Variants in ADAMTSL3 observed in about 807,000 individuals in gnomAD.
The protein encoded by ADAMTSL3 is ADAMTS-like protein 3.
In ADAMTSL3, 128 loss-of-function variants were observed where a neutral mutation model predicts 201.7. That is an observed-to-expected ratio of 0.63 (90% CI 0.55 to 0.73). ADAMTSL3 has a LOEUF of 0.73. ADAMTSL3 is among the 30% of genes least tolerant of loss of function. ADAMTSL3 has a pLI of 0.00. For synonymous variants in ADAMTSL3, 738 were observed against 748.4 expected (o/e 0.99, Z 0.23); for missense variants, 1,990 against 2,119.6 (o/e 0.94, Z 1.20).
At chr15:83,856,330 C>T (rs1156756292) in intron 7 of ADAMTSL3, among the ~76,000 whole-genome samples, 3 of 151,278 alleles carry the variant, frequency 2.0e-5, no homozygotes, top group South Asian at 2.1e-4. Flanking sequence ...ACCATACCCA[C>T]ATTAAAAAAA....
At chr15:84,018,274 C>A (rs2068124482) in intron 25 of ADAMTSL3, among the ~76,000 whole-genome samples, 1 of 152,120 alleles carries the variant, frequency 6.6e-6, no homozygotes, top group Admixed American at 6.5e-5. Context: ...ATGTCCCAGC[C>A]CTTCAAAGGA....
chr15:83,858,366 C>T (rs536678900), intron 7 of ADAMTSL3, among the ~76,000 whole-genome samples: 275 of 152,218 alleles, frequency 1.8e-3, no homozygotes, highest in African/African-American at 6.4e-3. Context: ...TTTGTGATTT[C>T]CAAAGATTTA....
chr15:83,679,228 TTTTG>T (rs1296765551), intron 2 of ADAMTSL3, among the ~76,000 whole-genome samples: 5 of 152,130 alleles, frequency 3.3e-5, no homozygotes, highest in African/African-American at 9.7e-5. Flanking sequence ...ATTTTCTATT[TTTTG>T]TTTGTTTCAA....
At chr15:83,839,365 T>C (rs1181770399) in intron 7 of ADAMTSL3, among the ~76,000 whole-genome samples, 3 of 152,110 alleles carry the variant, frequency 2.0e-5, no homozygotes, top group Non-Finnish European at 2.9e-5. Context: ...ACTCCTAATA[T>C]GTTGTTCAGG....
intron 7 of ADAMTSL3, among the ~76,000 whole-genome samples, chr15:83,852,520 C>T (rs888571189): frequency 6.6e-6 from 1 of 152,170 alleles, no homozygotes; most frequent in Non-Finnish European, 1.5e-5. Context: ...CAACTTTGTA[C>T]TTTTGTGCAA....
At chr15:84,015,984 C>T (rs2068081759) in intron 24 of ADAMTSL3, among the ~76,000 whole-genome samples, 1 of 152,226 alleles carries the variant, frequency 6.6e-6, no homozygotes, top group African/African-American at 2.4e-5. Context: ...TCCTAAAAGC[C>T]CGTACTCCTC....
At chr15:83,746,672 A>G (rs2062552805) in intron 3 of ADAMTSL3, among the ~76,000 whole-genome samples, 1 of 152,128 alleles carries the variant, frequency 6.6e-6, no homozygotes, top group African/African-American at 2.4e-5. Context: ...TGAAAACAGT[A>G]TACTTCGGGT....
At chr15:83,884,314 G>A (rs12900412) in intron 9 of ADAMTSL3, among the ~76,000 whole-genome samples, 91,284 of 145,568 alleles carry the variant, frequency 0.63, 29,717 homozygotes, top group African/African-American at 0.81. Flanking sequence ...TAACATATAT[G>A]TTACCTCATT....
At chr15:83,740,090 T>C in intron 3 of ADAMTSL3, 1 of 293,550 alleles carries the variant, frequency 3.4e-6, no homozygotes, top group South Asian at 4.6e-5. Context: ...TGCCAGTAAC[T>C]GTGCCGGTGG....
At chr15:83,683,731 G>A (rs1251436605) in intron 2 of ADAMTSL3, among the ~76,000 whole-genome samples, 1 of 152,136 alleles carries the variant, frequency 6.6e-6, no homozygotes, top group African/African-American at 2.4e-5. Context: ...ACTGTACCCG[G>A]CGCCTCCTTC....
intron 3 of ADAMTSL3, among the ~76,000 whole-genome samples, chr15:83,717,704 T>C (rs1370649216): frequency 6.6e-6 from 1 of 152,058 alleles, no homozygotes; most frequent in Non-Finnish European, 1.5e-5. Flanking sequence ...AAAAATAAAA[T>C]AATAAAAGCA....
At position 83,983,110 on chromosome 15, in the gene ADAMTSL3, G is replaced by A; in HGVS notation, c.3482G>A (p.Ser1161Asn). Residue 1161 changes from serine (S) to asparagine (N), a missense_variant, in exon 21 of 30, where the codon AGC becomes AAC. Coordinates refer to ENST00000286744, the MANE Select transcript of ADAMTSL3 (RefSeq NM_207517.3). ...LRGETGSVSQ[S>N]SHAKNSGKLT... ...GGGGAAACAGGGAGTGTGTCCCAAA[G>A]CTCGCATGCAAAAAACTCAGGCAAG... is the stretch of plus-strand genomic sequence containing the variant. 6.2e-7 allele frequency: 1 copy of A among 1,614,000 alleles called. No homozygotes were observed. Among genetic ancestry groups the A allele is most frequent in the Non-Finnish European group, 8.5e-7 (1 of 1,179,980 alleles).
chr15:83,688,799 C>A (rs2061573904), intron 2 of ADAMTSL3, among the ~76,000 whole-genome samples: 2 of 149,806 alleles, frequency 1.3e-5, no homozygotes, highest in Admixed American at 1.3e-4. Context: ...CACACACATG[C>A]CTGATTTAAA....
intron 15 of ADAMTSL3, among the ~76,000 whole-genome samples, chr15:83,907,407 A>T (rs11853052): frequency 0.63 from 95,352 of 152,006 alleles, 31,005 homozygotes; most frequent in African/African-American, 0.79. Context: ...GTTGTTGTTG[A>T]TGATTTTTCA....
intron 4 of ADAMTSL3, among the ~76,000 whole-genome samples, chr15:83,802,526 G>A (rs746800580): frequency 1.3e-4 from 20 of 152,156 alleles, no homozygotes; most frequent in Non-Finnish European, 2.2e-4. Flanking sequence ...AATTAAAAAG[G>A]TGCAAACTAT....
chr15:83,743,631 ACTGT>A (rs1469839041), intron 3 of ADAMTSL3, among the ~76,000 whole-genome samples: 2 of 151,212 alleles, frequency 1.3e-5, no homozygotes, highest in African/African-American at 4.9e-5. Context: ...GACATTTTTG[ACTGT>A]CTGATTTCTC....
intron 2 of ADAMTSL3, among the ~76,000 whole-genome samples, chr15:83,674,666 C>T (rs2061371004): frequency 6.8e-6 from 1 of 147,842 alleles, no homozygotes; most frequent in African/African-American, 2.5e-5. Context: ...CACATATATA[C>T]ATATATACAC....
intron 3 of ADAMTSL3, among the ~76,000 whole-genome samples, chr15:83,752,488 T>TAC (rs762265955): frequency 1.6e-4 from 24 of 151,438 alleles, no homozygotes; most frequent in South Asian, 8.3e-4. Flanking sequence ...TGCTTATGCA[T>TAC]ACACACACAC....
At chr15:83,840,286 T>A (rs1482046321) in intron 7 of ADAMTSL3, among the ~76,000 whole-genome samples, 1 of 152,180 alleles carries the variant, frequency 6.6e-6, no homozygotes, top group Non-Finnish European at 1.5e-5. Context: ...GTTAAATGCT[T>A]TTATGAGTTC....
Sources: gnomAD v4.1 joint callset for allele counts (sites outside exome capture counted in the v4.1 genomes callset) on GRCh38, gnomAD v4.1.1 for gene constraint, MANE v1.5 for transcripts, NCBI Gene and HGNC (gene_info 2026-07-23, HGNC 2026-07-21) for gene names.